TNR: variants seen among roughly 807,000 people sequenced by gnomAD.
The protein encoded by TNR is tenascin-R.
In TNR, 45 loss-of-function variants were observed where a neutral mutation model predicts 150.4. That is an observed-to-expected ratio of 0.30 (90% CI 0.24 to 0.38). The LOEUF (loss-of-function observed/expected upper bound fraction) is 0.38, where lower values mean the gene tolerates loss of function less well. Ranked by LOEUF, TNR falls within the 10% of genes least tolerant of loss-of-function variation. The pLI, the probability that TNR is intolerant of heterozygous loss-of-function variation, is 1.00. For missense variants in TNR, 1,544 were observed against 1,759.1 expected (o/e 0.88, Z 2.19); for synonymous variants, 687 against 678.4 (o/e 1.01, Z -0.20).
chr1:175,699,733 T>C (rs1166370935), intron 1 of TNR, among the ~76,000 whole-genome samples: 4 of 152,018 alleles, frequency 2.6e-5, no homozygotes, highest in African/African-American at 9.7e-5. Context: ...ACAGAGATTG[T>C]GGAAGGGGCA....
intron 9 of TNR, among the ~76,000 whole-genome samples, chr1:175,368,071 T>C (rs1293987263): frequency 6.6e-6 from 1 of 152,256 alleles, no homozygotes; most frequent in Non-Finnish European, 1.5e-5. Context: ...TGGAATTCTC[T>C]AGGTTCTCTC....
chr1:175,516,892 A>T (rs1659428675), intron 2 of TNR, among the ~76,000 whole-genome samples: 1 of 152,170 alleles, frequency 6.6e-6, no homozygotes, highest in African/African-American at 2.4e-5. Flanking sequence ...TGCACAACTT[A>T]TATGTCATAT....
At chr1:175,347,231 T>C (rs796259369) in intron 18 of TNR, among the ~76,000 whole-genome samples, 4 of 152,242 alleles carry the variant, frequency 2.6e-5, no homozygotes, top group Non-Finnish European at 2.9e-5. Flanking sequence ...ATAGGTATTA[T>C]AAAAACCATT....
intron 1 of TNR, among the ~76,000 whole-genome samples, chr1:175,680,750 G>A (rs767225392): frequency 1.3e-5 from 2 of 152,200 alleles, no homozygotes; most frequent in African/African-American, 2.4e-5. Context: ...GGGGTGCTAT[G>A]AGCACGTGGG....
intron 2 of TNR, among the ~76,000 whole-genome samples, chr1:175,452,965 C>T (rs150045350): frequency 1.3e-5 from 2 of 151,656 alleles, no homozygotes; most frequent in East Asian, 3.9e-4. Flanking sequence ...CAGGGGGCAG[C>T]GGGAGTTACC....
intron 1 of TNR, among the ~76,000 whole-genome samples, chr1:175,608,651 G>A (rs1019704167): frequency 6.6e-6 from 1 of 152,180 alleles, no homozygotes; most frequent in Non-Finnish European, 1.5e-5. Context: ...GCATGTTCAA[G>A]GAGCTTCTGT....
At chr1:175,431,632 T>G (rs1655264164) in intron 2 of TNR, among the ~76,000 whole-genome samples, 1 of 133,964 alleles carries the variant, frequency 7.5e-6, no homozygotes, top group Non-Finnish European at 1.6e-5. Context: ...CCACTGACAA[T>G]AACTTTTTTT....
chr1:175,573,988 G>A (rs1034754777), intron 1 of TNR, among the ~76,000 whole-genome samples: 1 of 152,172 alleles, frequency 6.6e-6, no homozygotes, highest in African/African-American at 2.4e-5. Flanking sequence ...GTTGGCCAAG[G>A]GGGCCCTTCC....
chr1:175,581,564 T>C (rs1251145522), intron 1 of TNR, among the ~76,000 whole-genome samples: 1 of 152,120 alleles, frequency 6.6e-6, no homozygotes, highest in Admixed American at 6.5e-5. Context: ...CAGCATGGGG[T>C]GGTGCAGAGA....
At chr1:175,602,881 G>A (rs879580572) in intron 1 of TNR, among the ~76,000 whole-genome samples, 2 of 152,174 alleles carry the variant, frequency 1.3e-5, no homozygotes, top group East Asian at 3.9e-4. Context: ...GAAACTTATG[G>A]CACATATTTG....
intron 15 of TNR, 85 bp downstream of exon 15, chr1:175,359,527 G>A (rs1651493206): frequency 6.2e-7 from 1 of 1,601,922 alleles, no homozygotes; most frequent in Non-Finnish European, 8.5e-7. Context: ...TTGAAAAAAT[G>A]TTTTGTTTAT....
rs541066857 is a variant in TNR at position 175,456,863 on chromosome 1, C to T, written c.-63-50086G>A. On this transcript the variant is annotated intron_variant, in intron 2 of 22. Coordinates refer to ENST00000367674, the MANE Select transcript of TNR (RefSeq NM_003285.3). ...CTATTTTCTGGATAGCCAAGAAAACCGGAGGTCAGGGCAGTAAGGGGAAAC... is the reference window on the plus strand; with the variant it reads ...CTATTTTCTGGATAGCCAAGAAAACTGGAGGTCAGGGCAGTAAGGGGAAAC... Among the ~76,000 whole-genome samples, 16 of 152,168 alleles carry T rather than the reference C, an allele frequency of 1.1e-4. No individual in the cohort carries two copies. In the South Asian group the frequency reaches 1.2e-3, roughly 12 times the overall value.
chr1:175,362,675 G>A lies in TNR; in HGVS notation c.2842C>T (p.Leu948Phe), dbSNP rs947314044. ...GAGACATTCCCACCTGTGTGCACAAGAGTACAGATGCGCTCGCTTTCCTCC... is the reference window on the plus strand; with the variant it reads ...GAGACATTCCCACCTGTGTGCACAAAAGTACAGATGCGCTCGCTTTCCTCC... ...GREESERICT[L>F]VHTAMDNPVD... Residue 948 changes from leucine to phenylalanine, a missense_variant, in exon 14 of 23, where the codon CTT becomes TTT. Physicochemically the swap from Leu to Phe is conservative, Grantham distance 22. Around this residue, in one of 2 missense-constraint regions of TNR, gnomAD observed 1,254 missense variants for 1,329.4 expected, o/e 0.94. Transcript: ENST00000367674. 1 of 1,614,000 alleles carries A rather than the reference G, an allele frequency of 6.2e-7. No homozygotes were observed.
chr1:175,366,588 A>G (rs917200423), intron 10 of TNR, among the ~76,000 whole-genome samples: 4 of 152,332 alleles, frequency 2.6e-5, no homozygotes, highest in African/African-American at 9.6e-5. Context: ...AGATCTGAGG[A>G]CCTGGAGACT....
rs143938644 is a variant in TNR, at chr1:175,718,699, G to A, written c.-165+24527C>T. Among the ~76,000 whole-genome samples, 453 of 152,328 alleles carry A rather than the reference G, an allele frequency of 3.0e-3. 2 individuals carry two copies. Among genetic ancestry groups the A allele is most frequent in the Non-Finnish European group, 5.0e-3 (341 of 68,026 alleles). On this transcript the variant is annotated intron_variant, in intron 1 of 22. Transcript: ENST00000367674. ...CTGAGGGGTCAGACAAACCAAGAAC[G>A]TCGTTAGGTGTTAGAAGGGCTTGGG...
intron 1 of TNR, among the ~76,000 whole-genome samples, chr1:175,615,017 C>G (rs557511357): frequency 3.9e-5 from 6 of 152,368 alleles, no homozygotes; most frequent in Admixed American, 6.5e-5. Context: ...GGGATCCCCC[C>G]ACCTGAGTGG....
chr1:175,320,496 A>T lies in TNR; in HGVS notation c.*2861T>A, dbSNP rs556707276. 2.6e-5 allele frequency: 4 copies of T among 152,242 alleles called. No individual in the cohort carries two copies. The highest frequency in any genetic ancestry group is 5.9e-5 in the Non-Finnish European group (4 of 68,038). The allele number at this position is 152,242 out of a possible 1,614,324, so 9.4% of individuals were successfully genotyped here. On this transcript the variant is annotated 3_prime_UTR_variant, in exon 23 of 23. Coordinates refer to ENST00000367674, the MANE Select transcript of TNR (RefSeq NM_003285.3). ...TATTTATAAAAATGTTCCATAGTGT[A>T]GAATGGTTTCAATAAAAGGAAGATT...
intron 1 of TNR, among the ~76,000 whole-genome samples, chr1:175,709,764 G>C (rs11807922): frequency 2.0e-5 from 3 of 151,954 alleles, no homozygotes; most frequent in Non-Finnish European, 4.4e-5. Context: ...TGGCCTCTTC[G>C]CAGCATTTGA....
chr1:175,410,880 C>T (rs1049367426), intron 2 of TNR, among the ~76,000 whole-genome samples: 1 of 152,154 alleles, frequency 6.6e-6, no homozygotes, highest in Non-Finnish European at 1.5e-5. Context: ...GTGTTTGAAG[C>T]CCAGATTTGG....
Sources: allele counts gnomAD v4.1 joint callset (sites outside exome capture counted in the v4.1 genomes callset), GRCh38; gene constraint gnomAD v4.1.1; regional missense constraint gnomAD v4.1.1; transcripts MANE v1.5; gene names NCBI Gene and HGNC (gene_info 2026-07-23, HGNC 2026-07-21).